The following KATNIP variants were observed in gnomAD, a reference collection of about 807,000 sequenced individuals.
KATNIP encodes the protein katanin-interacting protein.
A neutral mutation model predicts 174.0 loss-of-function variants in KATNIP; 126 were observed. That is an observed-to-expected ratio of 0.72 (90% CI 0.63 to 0.84). The LOEUF (loss-of-function observed/expected upper bound fraction) is 0.84. Among genes scored for constraint, KATNIP ranks in the 40% least tolerant of loss-of-function variants. KATNIP has a pLI of 0.00. For missense variants in KATNIP, 1,958 were observed against 2,109.7 expected (o/e 0.93, Z 1.41); for synonymous variants, 810 against 835.7 (o/e 0.97, Z 0.53).
intron 12 of KATNIP, among the ~76,000 whole-genome samples, chr16:27,704,882 G>C (rs892775866): frequency 6.7e-6 from 1 of 150,192 alleles, no homozygotes; most frequent in Non-Finnish European, 1.5e-5. Context: ...ACGGTGATTC[G>C]ATTTTCGTTC....
Position 27,619,326 on chromosome 16 carries a change from C to T in KATNIP, c.140+825C>T, listed in dbSNP as rs528973107. 3.3e-5 allele frequency among the ~76,000 whole-genome samples: 5 copies of T among 152,212 alleles called. No homozygotes were observed. In the East Asian group the frequency reaches 9.7e-4, roughly 29 times the overall value. ...AGAGAAGCTGGAGATCTGCATTTGG[C>T]CTGTGAAATCTCCTGAGTTTTAAAA... On this transcript the variant is annotated intron_variant, in intron 3 of 27. Transcript: ENST00000261588.
intron 6 of KATNIP, among the ~76,000 whole-genome samples, chr16:27,664,649 T>C (rs570264281): frequency 6.6e-6 from 1 of 152,256 alleles, no homozygotes; most frequent in Non-Finnish European, 1.5e-5. Context: ...CTGGTTGATA[T>C]CTGTGAACTT....
intron 1 of KATNIP, among the ~76,000 whole-genome samples, chr16:27,558,946 T>A (rs994014339): frequency 2.6e-5 from 4 of 152,214 alleles, no homozygotes; most frequent in African/African-American, 9.7e-5. Flanking sequence ...TTACTGCCAG[T>A]GTGTGGCCAG....
rs2090394052 is a variant in KATNIP, at chr16:27,573,898, C to T, written c.8-3C>T. 8.7e-6 allele frequency: 14 copies of T among 1,613,990 alleles called. No homozygotes were observed. The highest frequency in any genetic ancestry group is 1.2e-5 in the Non-Finnish European group (14 of 1,179,986). Reference sequence around the variant, plus strand: ...TCTTGGTTCTGCTTTTGAACTGCGACAGGTCAGACTCTGCGAAAGGCCGAG... The same window carrying T: ...TCTTGGTTCTGCTTTTGAACTGCGATAGGTCAGACTCTGCGAAAGGCCGAG... On this transcript the variant is annotated splice_polypyrimidine_tract_variant and splice_region_variant and intron_variant, in intron 1 of 27. Coordinates refer to ENST00000261588, the MANE Select transcript of KATNIP (RefSeq NM_015202.5).
intron 14 of KATNIP, among the ~76,000 whole-genome samples, chr16:27,735,541 C>T (rs752681623): frequency 2.6e-5 from 4 of 152,236 alleles, no homozygotes; most frequent in Non-Finnish European, 5.9e-5. Flanking sequence ...ATTCACAGCA[C>T]GCACTTGCTC....
In KATNIP at chr16:27,777,620, A is replaced by G. The variant is rs1246030541; in HGVS notation, c.4562A>G (p.Asp1521Gly). 6.2e-7 allele frequency: 1 copy of G among 1,609,202 alleles called. No homozygotes were observed. The highest frequency in any genetic ancestry group is 8.5e-7 in the Non-Finnish European group (1 of 1,177,370). Residue 1521 changes from aspartate to glycine, a missense_variant, in exon 26 of 28, where the codon GAC (aspartate) becomes GGC (glycine). Asp to Gly is a moderately conservative substitution (Grantham distance 94). Transcript: ENST00000261588. This position sits in a 1 kb window ranked among gnomAD's most constrained non-coding sequence, Gnocchi z 4.4. ...CCCGTGTCCCTGCAGCTCCTGGTGGACGACCTGCTTGTGTACAATGGGATC... is the reference window on the plus strand; with the variant it reads ...CCCGTGTCCCTGCAGCTCCTGGTGGGCGACCTGCTTGTGTACAATGGGATC... ...RGVKEFGLLV[D>G]DLLVYNGILA...
chr16:27,768,921 C>T (rs1477073932), intron 20 of KATNIP, among the ~76,000 whole-genome samples: 3 of 152,320 alleles, frequency 2.0e-5, no homozygotes, highest in East Asian at 1.9e-4. Flanking sequence ...TGTTGCTGAC[C>T]ACGAATGTGG....
In KATNIP at chr16:27,777,609, G is replaced by A. The variant is rs745334912; in HGVS notation, c.4552-1G>A. On this transcript the variant is annotated splice_acceptor_variant, in intron 25 of 27. Transcript: ENST00000261588. LOFTEE classifies it high-confidence loss of function. The surrounding 1 kb of genome is among the most constrained non-coding windows in gnomAD (Gnocchi z 4.4). ...ATGAGTCCTGCCCCGTGTCCCTGCA[G>A]CTCCTGGTGGACGACCTGCTTGTGT... The A allele has an allele frequency of 1.2e-6, 2 of 1,606,050 alleles. No individual in the cohort carries two copies. The highest frequency in any genetic ancestry group is 1.3e-5 in the African/African-American group (1 of 74,960).
At chr16:27,599,076 G>A (rs1317494206) in intron 2 of KATNIP, among the ~76,000 whole-genome samples, 1 of 152,200 alleles carries the variant, frequency 6.6e-6, no homozygotes, top group African/African-American at 2.4e-5. Flanking sequence ...AGCGATCTGG[G>A]CCCCGCAGCC....
chr16:27,664,127 G>A (rs776964204), intron 6 of KATNIP, among the ~76,000 whole-genome samples: 11 of 152,172 alleles, frequency 7.2e-5, no homozygotes, highest in Non-Finnish European at 1.6e-4. Flanking sequence ...TCTTTATGTA[G>A]GAGAGTTTTC....
chr16:27,770,099 C>T (rs1597418055), intron 21 of KATNIP, 81 bp downstream of exon 21: 1 of 1,470,382 alleles, frequency 6.8e-7, no homozygotes, highest in East Asian at 2.3e-5. Flanking sequence ...GATGTACATT[C>T]CGAAAGGGTT....
intron 6 of KATNIP, among the ~76,000 whole-genome samples, chr16:27,668,376 A>T (rs1188084189): frequency 2.6e-5 from 4 of 151,952 alleles, no homozygotes; most frequent in Non-Finnish European, 1.5e-5. Context: ...GTCTCAGGAG[A>T]TCTGATGGTT....
At chr16:27,625,980 G>A (rs1243399318) in intron 3 of KATNIP, among the ~76,000 whole-genome samples, 17 of 151,766 alleles carry the variant, frequency 1.1e-4, no homozygotes, top group Admixed American at 1.1e-3. Flanking sequence ...CTCCCAAGTA[G>A]CTAGAACCAC....
rs534842234 is a variant in KATNIP, at chr16:27,705,578, C to T, written c.1389+1580C>T. ...GTCTCTGAAAGCATGCAGCTCAGTG[C>T]AGGGAGAAACCAGCAAATATCTGCT... On this transcript the variant is annotated intron_variant, in intron 12 of 27. Transcript: ENST00000261588. Among the ~76,000 whole-genome samples, 55 of 152,248 alleles carry T rather than the reference C, an allele frequency of 3.6e-4. 1 individual carries two copies. The South Asian group carries it at 0.011, about 29-fold the overall frequency.
At chr16:27,742,296 T>C (rs2081138779) in intron 15 of KATNIP, among the ~76,000 whole-genome samples, 1 of 152,136 alleles carries the variant, frequency 6.6e-6, no homozygotes, top group Non-Finnish European at 1.5e-5. Context: ...GGCCTCAGTG[T>C]TTTCATCTGT....
intron 1 of KATNIP, among the ~76,000 whole-genome samples, chr16:27,555,511 A>G (rs1001373617): frequency 2.6e-5 from 4 of 152,224 alleles, no homozygotes; most frequent in Admixed American, 6.5e-5. Context: ...TGTGGCTTCA[A>G]TGAAACAATG....
At chr16:27,586,488 A>G (rs1162951976) in intron 2 of KATNIP, among the ~76,000 whole-genome samples, 2 of 151,756 alleles carry the variant, frequency 1.3e-5, no homozygotes, top group African/African-American at 4.8e-5. Flanking sequence ...AAAAGAAGCA[A>G]GTGAACTGTG....
Position 27,743,150 on chromosome 16 carries a change from G to A in KATNIP, c.2623+2230G>A, listed in dbSNP as rs1390735434. On this transcript the variant is annotated intron_variant, in intron 15 of 27. Transcript: ENST00000261588. The stretch of plus-strand genomic sequence containing the variant: ...CTGCATTAGTTTACTGAGGATAACG[G>A]CTTCTGCCTACCTCCATGTCCCTGC... Among the ~76,000 whole-genome samples the A allele has an allele frequency of 3.3e-5, 5 of 152,300 alleles. No individual in the cohort carries two copies. The East Asian group carries it at 9.7e-4, about 29-fold the overall frequency.
intron 16 of KATNIP, 106 bp downstream of exon 16, chr16:27,750,412 T>TC: frequency 8.8e-7 from 1 of 1,131,888 alleles, no homozygotes; most frequent in East Asian, 2.4e-5. Flanking sequence ...ATCAGTCCTT[T>TC]CTCTTTCTTT....
Sources: allele counts gnomAD v4.1 joint callset (sites outside exome capture counted in the v4.1 genomes callset), GRCh38; gene constraint gnomAD v4.1.1; non-coding constraint Gnocchi (gnomAD v3.1); transcripts MANE v1.5; gene names NCBI Gene and HGNC (gene_info 2026-07-23, HGNC 2026-07-21).